Variants in TBC1D4 observed in about 807,000 individuals in gnomAD.
TBC1D4 encodes TBC1 domain family member 4, also known as TBC (Tre-2, BUB2, CDC16) domain-containing protein.
TBC1D4 carries 121 observed loss-of-function variants against 142.5 expected under a neutral mutation model. The observed-to-expected ratio is 0.85, with a 90% CI of 0.73 to 0.99. TBC1D4 has a LOEUF of 0.99. TBC1D4 is among the 50% of genes least tolerant of loss of function. The pLI, the probability that TBC1D4 is intolerant of heterozygous loss-of-function variation, is 0.00. For synonymous variants in TBC1D4, 630 were observed against 628.2 expected (o/e 1.00, Z -0.04); for missense variants, 1,475 against 1,606.6 (o/e 0.92, Z 1.40).
chr13:75,377,557 T>A (rs1483223698), intron 1 of TBC1D4, among the ~76,000 whole-genome samples: 1 of 151,956 alleles, frequency 6.6e-6, no homozygotes, highest in Non-Finnish European at 1.5e-5. Flanking sequence ...ACTACAACTA[T>A]ACCTCAAACA....
At chr13:75,356,772 T>C (rs1156901149) in intron 3 of TBC1D4, among the ~76,000 whole-genome samples, 5 of 152,204 alleles carry the variant, frequency 3.3e-5, no homozygotes, top group African/African-American at 1.2e-4. Context: ...TGATATGTTA[T>C]AGAAATTATT....
intron 1 of TBC1D4, among the ~76,000 whole-genome samples, chr13:75,440,249 G>A (rs2138194735): frequency 6.6e-6 from 1 of 152,254 alleles, no homozygotes; most frequent in Non-Finnish European, 1.5e-5. Flanking sequence ...TGTATAAAAT[G>A]AAATGGCTAA....
intron 19 of TBC1D4, among the ~76,000 whole-genome samples, chr13:75,291,516 C>T (rs1310968823): frequency 1.3e-5 from 2 of 152,098 alleles, no homozygotes; most frequent in African/African-American, 2.4e-5. Flanking sequence ...TTTGAATCAT[C>T]GGAGGGAGAA....
At chr13:75,380,513 T>C (rs1473526703) in intron 1 of TBC1D4, among the ~76,000 whole-genome samples, 2 of 149,424 alleles carry the variant, frequency 1.3e-5, no homozygotes, top group African/African-American at 2.4e-5. Context: ...TGTCTGTCTC[T>C]AGAACGGTAA....
intron 1 of TBC1D4, among the ~76,000 whole-genome samples, chr13:75,409,527 A>G: frequency 6.6e-6 from 1 of 152,170 alleles, no homozygotes; most frequent in Non-Finnish European, 1.5e-5. Context: ...CCTCTTCAAA[A>G]TACCCTGGCT....
At chr13:75,469,891 T>C (rs567324570) in intron 1 of TBC1D4, among the ~76,000 whole-genome samples, 1 of 152,338 alleles carries the variant, frequency 6.6e-6, no homozygotes, top group East Asian at 1.9e-4. Flanking sequence ...ACAGCAAGTA[T>C]ATATTCAAGT....
At chr13:75,332,118 T>C (rs1475478139) in intron 8 of TBC1D4, among the ~76,000 whole-genome samples, 1 of 152,310 alleles carries the variant, frequency 6.6e-6, no homozygotes, top group East Asian at 1.9e-4. Context: ...GACTTCAAAG[T>C]TGGCACTGCA....
intron 1 of TBC1D4, among the ~76,000 whole-genome samples, chr13:75,438,441 A>C (rs908734642): frequency 5.3e-5 from 8 of 152,202 alleles, no homozygotes; most frequent in African/African-American, 1.9e-4. Flanking sequence ...AGGATAGAAA[A>C]AACAGAAGAG....
In TBC1D4 at chr13:75,290,293, AT is replaced by A. The variant is rs561831265; in HGVS notation, c.3487-1184del. 4.1e-3 allele frequency among the ~76,000 whole-genome samples: 618 copies of A among 152,094 alleles called. 5 individuals are homozygous for A. The highest frequency in any genetic ancestry group is 0.014 in the African/African-American group (577 of 41,522). ...TCTTGTGATTTTCTGCATTATTTGC[AT>A]TTTTTTCCAGTGTCCATAAATAAAG... On this transcript the variant is annotated intron_variant, in intron 19 of 20. Transcript: ENST00000377636.
intron 8 of TBC1D4, among the ~76,000 whole-genome samples, chr13:75,332,542 T>C (rs183941163): frequency 5.4e-4 from 82 of 151,906 alleles, no homozygotes; most frequent in Non-Finnish European, 1.0e-3. Context: ...TAAGTAAGTG[T>C]AATTGCATCA....
intron 1 of TBC1D4, among the ~76,000 whole-genome samples, chr13:75,452,926 T>C (rs1887589240): frequency 1.3e-5 from 2 of 152,104 alleles, no homozygotes; most frequent in African/African-American, 2.4e-5. Flanking sequence ...GGGGATAGCG[T>C]CTCGAGGGCC....
At chr13:75,374,838 A>C (rs2138226427) in intron 1 of TBC1D4, among the ~76,000 whole-genome samples, 1 of 152,280 alleles carries the variant, frequency 6.6e-6, no homozygotes, top group Non-Finnish European at 1.5e-5. Context: ...TCTATAAATG[A>C]CGTATCAGCT....
At chr13:75,374,198 T>C (rs1364870343) in intron 1 of TBC1D4, among the ~76,000 whole-genome samples, 2 of 152,102 alleles carry the variant, frequency 1.3e-5, no homozygotes, top group Non-Finnish European at 2.9e-5. Flanking sequence ...CCACTCTGAA[T>C]GCATGCCCTG....
Position 75,324,309 on chromosome 13 carries a change from G to A in TBC1D4, c.2126C>T (p.Thr709Ile), listed in dbSNP as rs1218386794. 6.2e-7 allele frequency: 1 copy of A among 1,613,932 alleles called. No homozygotes were observed. Among genetic ancestry groups the A allele is most frequent in the Non-Finnish European group, 8.5e-7 (1 of 1,179,922 alleles). ...LHTSFSAPSF[T>I]APSFLKSFYQ... is the part of the protein sequence containing the mutation. ...AAAGCTTTTCAGGAAAGAGGGGGCA[G>A]TGAAGGAAGGGGCAGAGAAGGAAGT... The change falls in exon 11 of 21, where the codon ACT (threonine) becomes ATT (isoleucine). Residue 709 changes from threonine (T) to isoleucine (I), a missense_variant. By Grantham distance (89) the Thr-to-Ile change is moderately conservative. Around this residue, in one of 2 missense-constraint regions of TBC1D4, gnomAD observed 1,227 missense variants for 1,267.7 expected, o/e 0.97. Coordinates refer to ENST00000377636, the MANE Select transcript of TBC1D4 (RefSeq NM_014832.5).
chr13:75,453,691 G>A (rs1198828175), intron 1 of TBC1D4, among the ~76,000 whole-genome samples: 17 of 151,912 alleles, frequency 1.1e-4, no homozygotes, highest in Admixed American at 9.8e-4. Flanking sequence ...GCAAAACCCC[G>A]TCTCTACTAA....
At chr13:75,338,456 A>G (rs1394945472) in intron 7 of TBC1D4, among the ~76,000 whole-genome samples, 2 of 152,304 alleles carry the variant, frequency 1.3e-5, no homozygotes, top group African/African-American at 4.8e-5. Context: ...CTCAGTAAAT[A>G]CCAGTTGAAT....
intron 5 of TBC1D4, among the ~76,000 whole-genome samples, chr13:75,343,657 C>T (rs1880906089): frequency 6.6e-6 from 1 of 152,022 alleles, no homozygotes; most frequent in Non-Finnish European, 1.5e-5. Flanking sequence ...GCTAGGATTA[C>T]AGGCATGCGC....
intron 8 of TBC1D4, among the ~76,000 whole-genome samples, chr13:75,330,439 A>C (rs2138029001): frequency 6.6e-6 from 1 of 152,362 alleles, no homozygotes; most frequent in South Asian, 2.1e-4. Flanking sequence ...TTGAACGCTT[A>C]TCATGTGCCA....
At chr13:75,435,705 T>G (rs1886771172) in intron 1 of TBC1D4, among the ~76,000 whole-genome samples, 1 of 152,144 alleles carries the variant, frequency 6.6e-6, no homozygotes, top group African/African-American at 2.4e-5. Flanking sequence ...ACTAAAAGAA[T>G]CTGGGAGTTT....
Sources: allele counts gnomAD v4.1 joint callset (sites outside exome capture counted in the v4.1 genomes callset), GRCh38; gene constraint gnomAD v4.1.1; regional missense constraint gnomAD v4.1.1; transcripts MANE v1.5; gene names NCBI Gene and HGNC (gene_info 2026-07-23, HGNC 2026-07-21).